The following FBLN7 variants were observed in gnomAD, a reference collection of about 807,000 sequenced individuals.
The protein encoded by FBLN7 is fibulin 7, also known as fibulin-7.
A neutral mutation model predicts 44.0 loss-of-function variants in FBLN7; 31 were observed. The observed-to-expected ratio is 0.70, with a 90% confidence interval of 0.53 to 0.95. The LOEUF is 0.95. Among genes scored for constraint, FBLN7 ranks in the 40% least tolerant of loss-of-function variants. The pLI is 0.00. For synonymous variants in FBLN7, 262 were observed against 253.4 expected, an observed-to-expected ratio of 1.03 and a Z score of -0.32; for missense variants, 573 against 618.5, an observed-to-expected ratio of 0.93 and a Z score of 0.78.
chr2:112,187,045 T>C lies in FBLN7; in HGVS notation c.948-89T>C. The C allele has an allele frequency of 1.3e-6, 2 of 1,527,262 alleles. No homozygotes were observed. Among genetic ancestry groups the C allele is most frequent in the East Asian group, 2.3e-5 (1 of 43,960 alleles). The allele number at this position is 1,527,262 out of a possible 1,614,324, so 94.6% of individuals were successfully genotyped here. ...TGGGAAAGGTCATCTAGGTGGCCTC[T>C]GCAAGAGGGCAGGTGGGCAGCCGGG... On this transcript the variant is annotated intron_variant, in intron 7 of 7. Coordinates refer to ENST00000331203, the MANE Select transcript of FBLN7 (RefSeq NM_153214.3). The surrounding 1 kb of genome is among the most constrained non-coding windows in gnomAD (Gnocchi z 5.1).
chr2:112,161,400 T>A (rs1681862170), intron 2 of FBLN7, among the ~76,000 whole-genome samples: 1 of 152,092 alleles, frequency 6.6e-6, no homozygotes, highest in Non-Finnish European at 1.5e-5. Context: ...GCTGCAGAAA[T>A]AACCACCAGC....
At chr2:112,221,113 T>C in the FBLN7 span, among the ~76,000 whole-genome samples, 1 of 152,226 alleles carries the variant, frequency 6.6e-6, no homozygotes, top group Non-Finnish European at 1.5e-5. Flanking sequence ...ATTTGGTCTC[T>C]TTACATAATT....
At chr2:112,242,720 C>T in the FBLN7 span, among the ~76,000 whole-genome samples, 1 of 152,154 alleles carries the variant, frequency 6.6e-6, no homozygotes, top group African/African-American at 2.4e-5. Flanking sequence ...ATTAAGCATT[C>T]ACCACAATAT....
At chr2:112,217,440 T>C in the FBLN7 span, among the ~76,000 whole-genome samples, 2 of 152,210 alleles carry the variant, frequency 1.3e-5, no homozygotes, top group Non-Finnish European at 2.9e-5. Context: ...CAAGTTGCAG[T>C]ATAAAATGTG....
chr2:112,239,855 G>A, the FBLN7 span, among the ~76,000 whole-genome samples: 1 of 152,116 alleles, frequency 6.6e-6, no homozygotes, highest in Non-Finnish European at 1.5e-5. Flanking sequence ...AAAGTGCTAG[G>A]ATTACAGCCA....
intron 2 of FBLN7, among the ~76,000 whole-genome samples, chr2:112,163,793 C>T (rs1035644785): frequency 1.3e-5 from 2 of 152,188 alleles, no homozygotes; most frequent in African/African-American, 4.8e-5. Flanking sequence ...TCCAATGCCC[C>T]GTGTAACTCT....
chr2:112,166,586 G>A (rs776018202), intron 3 of FBLN7, among the ~76,000 whole-genome samples: 4 of 151,832 alleles, frequency 2.6e-5, no homozygotes, highest in Non-Finnish European at 5.9e-5. Context: ...TGTAACATGC[G>A]AACAAAACAG....
the FBLN7 span, chr2:112,234,064 C>T: frequency 9.7e-7 from 1 of 1,030,238 alleles, no homozygotes; most frequent in Non-Finnish European, 1.4e-6. Context: ...AAAAGAGTAT[C>T]AAACAGAAAG....
At chr2:112,176,255 G>C (rs1459865241) in intron 4 of FBLN7, 1 of 157,538 alleles carries the variant, frequency 6.3e-6, no homozygotes, top group Non-Finnish European at 1.4e-5. Context: ...AGTATTTTGA[G>C]AGCTGGATAA....
chr2:112,181,815 G>C lies in FBLN7; in HGVS notation c.609G>C (p.Gln203His). 1 of 1,516,360 alleles carries C rather than the reference G, an allele frequency of 6.6e-7. No homozygotes were observed. Among genetic ancestry groups the C allele is most frequent in the South Asian group, 1.2e-5 (1 of 83,074 alleles). 93.9% of individuals were successfully genotyped at this position (1,516,360 alleles called of 1,614,324 possible). The change falls in exon 5 of 8, where the codon CAG becomes CAC. Residue 203 changes from glutamine (Q) to histidine (H), a missense_variant. By Grantham distance (24) the Gln-to-His change is conservative. Transcript: ENST00000331203. ...GCTGTGCGCAGGTGGAGCGGGCTCAGCACTGCAGCTGCGAGGCCGGATTCC... is the reference window on the plus strand; with the variant it reads ...GCTGTGCGCAGGTGGAGCGGGCTCACCACTGCAGCTGCGAGGCCGGATTCC... ...APRCAQVERA[Q>H]HCSCEAGFHL...
intron 1 of FBLN7, among the ~76,000 whole-genome samples, chr2:112,156,913 G>T (rs557645442): frequency 6.6e-6 from 1 of 152,152 alleles, no homozygotes; most frequent in Non-Finnish European, 1.5e-5. Flanking sequence ...TCCCACCGCG[G>T]TGGTGGTGGT....
chr2:112,185,707 A>G (rs1236190302), intron 7 of FBLN7, among the ~76,000 whole-genome samples: 1 of 152,136 alleles, frequency 6.6e-6, no homozygotes, highest in Non-Finnish European at 1.5e-5. Context: ...GGTATAGATC[A>G]CATGGATTTG....
intron 4 of FBLN7, chr2:112,178,136 CCAGCCTGGGTGACA>C (rs1243425785): frequency 1.3e-5 from 2 of 151,770 alleles, no homozygotes; most frequent in African/African-American, 4.8e-5. Flanking sequence ...CCACTGCACT[CCAGCCTGGGTGACA>C]CAGCGAGACT....
chr2:112,235,844 A>G, the FBLN7 span, among the ~76,000 whole-genome samples: 1 of 151,494 alleles, frequency 6.6e-6, no homozygotes, highest in Non-Finnish European at 1.5e-5. Context: ...GTAGTAAAAA[A>G]TTTGTAAGAC....
chr2:112,213,392 CG>C, the FBLN7 span: 2 of 152,036 alleles, frequency 1.3e-5, no homozygotes, highest in Non-Finnish European at 2.9e-5. Context: ...TTTAACATCT[CG>C]GGGTCTGAAT....
At chr2:112,140,905 T>A (rs1377910139) in intron 1 of FBLN7, among the ~76,000 whole-genome samples, 1 of 152,258 alleles carries the variant, frequency 6.6e-6, no homozygotes, top group Admixed American at 6.5e-5. Flanking sequence ...TTCTTGCCGT[T>A]GGCATTTGTT....
rs1157940341 is a variant in FBLN7 at position 112,185,970 on chromosome 2, C to G, written c.947+631C>G. On this transcript the variant is annotated intron_variant, in intron 7 of 7. Transcript: ENST00000331203. ...TCCTCTCAAAAAGAGATCACAAGAG[C>G]CCTAGCGTTGTCTTTAAAATGAAGT... is the stretch of plus-strand genomic sequence containing the variant. Among the ~76,000 whole-genome samples the G allele has an allele frequency of 3.3e-5, 5 of 151,952 alleles. No individual in the cohort carries two copies. In the East Asian group the frequency reaches 7.7e-4, roughly 24 times the overall value.
At chr2:112,140,990 A>T (rs928780076) in intron 1 of FBLN7, among the ~76,000 whole-genome samples, 1 of 152,210 alleles carries the variant, frequency 6.6e-6, no homozygotes. Context: ...ACTGATTTTT[A>T]AAATTAAGGC....
chr2:112,201,284 G>A, the FBLN7 span, among the ~76,000 whole-genome samples: 1 of 152,190 alleles, frequency 6.6e-6, no homozygotes, highest in East Asian at 1.9e-4. Flanking sequence ...TCATGGGTGG[G>A]CCCGGAAGGC....
Sources: gnomAD v4.1 joint callset for allele counts (sites outside exome capture counted in the v4.1 genomes callset) on GRCh38, gnomAD v4.1.1 for gene constraint, Gnocchi (gnomAD v3.1) non-coding constraint, MANE v1.5 for transcripts, NCBI Gene and HGNC (gene_info 2026-07-23, HGNC 2026-07-21) for gene names.